MAGT1: variants seen among roughly 807,000 people sequenced by gnomAD.
The protein encoded by MAGT1 is magnesium transporter 1.
A neutral mutation model predicts 28.4 loss-of-function variants in MAGT1; 4 were observed. That is an observed-to-expected ratio of 0.14 (90% confidence interval 0.07 to 0.32). The LOEUF (loss-of-function observed/expected upper bound fraction) is 0.32. MAGT1 is among the 10% of genes least tolerant of loss of function. The pLI is 1.00. For synonymous variants in MAGT1, 89 were observed against 89.7 expected, an observed-to-expected ratio of 0.99 and a Z score of 0.04; for missense variants, 193 against 264.5, an observed-to-expected ratio of 0.73 and a Z score of 1.88.
rs1557216817 is a variant in MAGT1, at chrX:77,865,465, G to GC, written c.390+5342_390+5343insG. On this transcript the variant is annotated intron_variant, in intron 3 of 9. Coordinates refer to ENST00000618282, the MANE Select transcript of MAGT1 (RefSeq NM_001367916.1). ...CCACCATGCCCGTCTAATTTTTGTT[G>GC]TTTTTTTTTTGTAGAGACAGGGTTT... 4.4e-3 allele frequency among the ~76,000 whole-genome samples: 454 copies of GC among 103,255 alleles called. 6 individuals are homozygous for GC. The highest frequency in any genetic ancestry group is 5.5e-3 in the Non-Finnish European group (277 of 50,238). 89.7% of individuals were successfully genotyped at this position (103,255 alleles called of 115,157 possible). A position where few individuals can be genotyped will look rare whatever the true frequency, so the allele number is the denominator to read the frequency against.
At chrX:77,875,945 C>A (rs1285544089) in intron 1 of MAGT1, among the ~76,000 whole-genome samples, 1 of 107,802 alleles carries the variant, frequency 9.3e-6, no homozygotes, top group Non-Finnish European at 1.9e-5. Flanking sequence ...GATCCTCCCA[C>A]CTCAGCCTCC....
intron 4 of MAGT1, 26 bp from the exon 5 acceptor site, chrX:77,856,899 T>G (rs368047416): frequency 8.6e-7 from 1 of 1,169,545 alleles, no homozygotes; most frequent in Non-Finnish European, 1.2e-6. Context: ...GAAAAACATG[T>G]TAAAGTATAA....
chrX:77,850,457 C>T (rs1557215414), intron 7 of MAGT1, among the ~76,000 whole-genome samples: 2 of 74,371 alleles, frequency 2.7e-5, no homozygotes, highest in Non-Finnish European at 2.3e-5. Context: ...GTCTGGGTGA[C>T]AGAGCGAGAC....
At chrX:77,835,760 T>TA (rs1246661687) in intron 8 of MAGT1, among the ~76,000 whole-genome samples, 3 of 111,166 alleles carry the variant, frequency 2.7e-5, no homozygotes, top group African/African-American at 6.5e-5. Flanking sequence ...ATTCAGTCAT[T>TA]AAAAAAATAA....
At chrX:77,852,252 A>G (rs1217989928) in intron 7 of MAGT1, among the ~76,000 whole-genome samples, 2 of 112,430 alleles carry the variant, frequency 1.8e-5, no homozygotes, top group East Asian at 5.5e-4. Context: ...TTAATCTTTC[A>G]GCCCACCATT....
At chrX:77,887,180 G>A (rs781943551) in intron 1 of MAGT1, among the ~76,000 whole-genome samples, 10 of 111,165 alleles carry the variant, frequency 9.0e-5, no homozygotes, top group African/African-American at 1.3e-4. Context: ...CTGCAGCCTC[G>A]AACTCCTGGG....
At chrX:77,840,432 G>A (rs1425158074) in intron 8 of MAGT1, among the ~76,000 whole-genome samples, 1 of 104,441 alleles carries the variant, frequency 9.6e-6, no homozygotes, top group African/African-American at 3.5e-5. Context: ...GCAAAACTCT[G>A]TCTCAAAAAA....
At position 77,827,343 on chromosome X, in the gene MAGT1, A is replaced by G. The variant is rs1191947540; in HGVS notation, c.*1877T>C. On this transcript the variant is annotated 3_prime_UTR_variant, in exon 10 of 10. Transcript: ENST00000618282. ...ATAAAGACTAAAATAACAGCAAAAC[A>G]TAGAACAGCTTTCGAGAAACGCTTA... 8.9e-6 allele frequency: 1 copy of G among 111,920 alleles called. No individual in the cohort carries two copies. Among genetic ancestry groups the G allele is most frequent in the Non-Finnish European group, 1.9e-5 (1 of 53,172 alleles). The allele number at this position is 111,920 out of a possible 1,213,427, so 9.2% of individuals were successfully genotyped here.
At chrX:77,884,943 TC>T (rs2077063176) in intron 1 of MAGT1, among the ~76,000 whole-genome samples, 1 of 107,435 alleles carries the variant, frequency 9.3e-6, no homozygotes, top group South Asian at 4.1e-4. Flanking sequence ...GTGCCTGTAG[TC>T]CCAGCTACTC....
chrX:77,858,588 T>C (rs1290295807), intron 3 of MAGT1, among the ~76,000 whole-genome samples: 4 of 112,214 alleles, frequency 3.6e-5, no homozygotes, highest in African/African-American at 1.3e-4. Context: ...TTTTCAAGCT[T>C]TCCCATAAGG....
At chrX:77,831,909 T>A (rs2076899727) in intron 8 of MAGT1, among the ~76,000 whole-genome samples, 1 of 111,825 alleles carries the variant, frequency 8.9e-6, no homozygotes, top group African/African-American at 3.2e-5. Flanking sequence ...TTTATTGAAC[T>A]TTAAAACCCC....
chrX:77,854,257 C>T (rs2076975979), intron 6 of MAGT1, among the ~76,000 whole-genome samples: 1 of 111,549 alleles, frequency 9.0e-6, no homozygotes, highest in Admixed American at 9.7e-5. Context: ...TCATTGCAAT[C>T]CCAAAGTCCT....
intron 1 of MAGT1, among the ~76,000 whole-genome samples, chrX:77,894,478 TAG>T (rs1163895219): frequency 8.9e-6 from 1 of 112,063 alleles, no homozygotes; most frequent in African/African-American, 3.2e-5. Context: ...GTACAGGAAA[TAG>T]AGTTAGAATG....
intron 3 of MAGT1, among the ~76,000 whole-genome samples, chrX:77,859,613 T>C (rs2076989723): frequency 8.9e-6 from 1 of 112,167 alleles, no homozygotes; most frequent in African/African-American, 3.2e-5. Flanking sequence ...ACGCCTGTAA[T>C]CCCAGCACTT....
chrX:77,831,782 C>T (rs953255809), intron 8 of MAGT1, among the ~76,000 whole-genome samples: 5 of 109,974 alleles, frequency 4.5e-5, no homozygotes, highest in East Asian at 2.9e-4. Flanking sequence ...TTTGAGAAGA[C>T]GGTGTCTCAC....
At chrX:77,879,337 G>A (rs1557218195) in intron 1 of MAGT1, among the ~76,000 whole-genome samples, 1 of 112,065 alleles carries the variant, frequency 8.9e-6, no homozygotes, top group African/African-American at 3.2e-5. Context: ...TTACAGGCGT[G>A]AATCACTGTG....
intron 7 of MAGT1, among the ~76,000 whole-genome samples, chrX:77,841,532 G>C (rs981967617): frequency 8.9e-6 from 1 of 111,770 alleles, no homozygotes; most frequent in Non-Finnish European, 1.9e-5. Flanking sequence ...TACTTCATTT[G>C]TGCAAAGAAA....
chrX:77,886,719 A>C (rs2077069070), intron 1 of MAGT1, among the ~76,000 whole-genome samples: 1 of 111,760 alleles, frequency 8.9e-6, no homozygotes, highest in African/African-American at 3.2e-5. Flanking sequence ...TTGATTCAGT[A>C]AGTCCAGGGC....
chrX:77,856,904 G>T (rs782371506), intron 4 of MAGT1, 31 bp from the exon 5 acceptor site: 2 of 1,157,374 alleles, frequency 1.7e-6, no homozygotes, highest in Admixed American at 4.6e-5. Context: ...ACATGTTAAA[G>T]TATAAAATTT....
Sources: allele counts gnomAD v4.1 joint callset (sites outside exome capture counted in the v4.1 genomes callset), GRCh38; gene constraint gnomAD v4.1.1; transcripts MANE v1.5; gene names NCBI Gene and HGNC (gene_info 2026-07-23, HGNC 2026-07-21).